The following MCCC2 variants were observed in gnomAD, a reference collection of about 807,000 sequenced individuals.
MCCC2 encodes the protein methylcrotonoyl-CoA carboxylase beta chain, mitochondrial.
MCCC2 carries 52 observed loss-of-function variants against 77.2 expected under a neutral mutation model. The observed-to-expected ratio is 0.67, with a 90% confidence interval of 0.54 to 0.85. MCCC2 has a LOEUF of 0.85. Ranked by LOEUF, MCCC2 falls within the 40% of genes least tolerant of loss-of-function variation. The probability of loss-of-function intolerance (pLI) is 0.00; values close to 1 mark genes in which losing one functional copy is unlikely to be tolerated. For missense variants in MCCC2, 682 were observed against 703.2 expected (o/e 0.97, Z 0.34); for synonymous variants, 253 against 248.4 (o/e 1.02, Z -0.18).
At chr5:71,628,401 C>G (rs1421987736) in intron 7 of MCCC2, among the ~76,000 whole-genome samples, 1 of 152,162 alleles carries the variant, frequency 6.6e-6, no homozygotes, top group Non-Finnish European at 1.5e-5. Context: ...CCAGTTTATG[C>G]ATTTTTTCCT....
At chr5:71,628,502 C>T (rs1273850840) in intron 7 of MCCC2, among the ~76,000 whole-genome samples, 1 of 152,070 alleles carries the variant, frequency 6.6e-6, no homozygotes, top group African/African-American at 2.4e-5. Context: ...TTCTGAGAGT[C>T]TTATAATTTT....
intron 6 of MCCC2, among the ~76,000 whole-genome samples, chr5:71,621,219 A>G (rs896674491): frequency 8.5e-5 from 13 of 152,130 alleles, no homozygotes; most frequent in African/African-American, 3.1e-4. Context: ...AGGAAGAAGC[A>G]GATACAGCTG....
intron 16 of MCCC2, among the ~76,000 whole-genome samples, chr5:71,655,604 T>A (rs532682000): frequency 1.3e-5 from 2 of 152,286 alleles, no homozygotes; most frequent in East Asian, 3.9e-4. Context: ...GTGTTGATAC[T>A]TTAGGGTCCC....
intron 11 of MCCC2, among the ~76,000 whole-genome samples, chr5:71,642,216 GAGA>G (rs1747139827): frequency 6.7e-6 from 1 of 149,032 alleles, no homozygotes; most frequent in Non-Finnish European, 1.5e-5. Flanking sequence ...GAGTGAGAAG[GAGA>G]AGAAGGGAAT....
chr5:71,604,254 G>C, intron 5 of MCCC2, 102 bp from the exon 6 acceptor site: 1 of 1,020,284 alleles, frequency 9.8e-7, no homozygotes, highest in Non-Finnish European at 1.5e-6. Context: ...CAAGTTTTTT[G>C]TGAATGTGAT....
chr5:71,601,916 C>T (rs765432923), intron 4 of MCCC2, among the ~76,000 whole-genome samples: 10 of 152,100 alleles, frequency 6.6e-5, no homozygotes, highest in Non-Finnish European at 1.3e-4. Flanking sequence ...ACTCAGGATA[C>T]CTTTCATGTG....
intron 6 of MCCC2, among the ~76,000 whole-genome samples, chr5:71,619,812 A>G (rs1746298572): frequency 6.6e-6 from 1 of 152,108 alleles, no homozygotes. Flanking sequence ...TAACATGGTG[A>G]AATCCCGTCT....
intron 5 of MCCC2, 155 bp downstream of exon 5, chr5:71,602,788 C>CT: frequency 8.8e-7 from 1 of 1,134,730 alleles, no homozygotes; most frequent in Non-Finnish European, 1.3e-6. Context: ...GCTGAAAACT[C>CT]TGGGGGAAAG....
chr5:71,611,403 C>A (rs457539), intron 6 of MCCC2, among the ~76,000 whole-genome samples: 57,659 of 151,896 alleles, frequency 0.38, 11,374 homozygotes, highest in Admixed American at 0.54. Flanking sequence ...CCCTGTCTCA[C>A]AAAAGAAAAA....
chr5:71,653,901 G>C (rs1001878235), intron 16 of MCCC2, among the ~76,000 whole-genome samples: 1 of 151,270 alleles, frequency 6.6e-6, no homozygotes, highest in Non-Finnish European at 1.5e-5. Flanking sequence ...TCATTTGAAT[G>C]GTTCCTTGGT....
At chr5:71,625,750 A>G (rs73761680) in intron 6 of MCCC2, among the ~76,000 whole-genome samples, 2,315 of 152,322 alleles carry the variant, frequency 0.015, 55 homozygotes, top group African/African-American at 0.053. Flanking sequence ...TGTGTTGGCC[A>G]TTTAGATGGA....
At chr5:71,610,499 C>G (rs528549108) in intron 6 of MCCC2, among the ~76,000 whole-genome samples, 114 of 152,296 alleles carry the variant, frequency 7.5e-4, no homozygotes, top group African/African-American at 2.7e-3. Context: ...CCCAGTACCT[C>G]AGATGGAAAT....
intron 6 of MCCC2, among the ~76,000 whole-genome samples, chr5:71,614,005 T>C (rs994837232): frequency 6.7e-6 from 1 of 148,206 alleles, no homozygotes; most frequent in Non-Finnish European, 1.5e-5. Flanking sequence ...TATATATGGT[T>C]CATATTATGT....
In MCCC2 at chr5:71,599,736, T is replaced by C. The variant is rs776174568; in HGVS notation, c.359T>C (p.Ile120Thr). 6.2e-7 allele frequency: 1 copy of C among 1,614,024 alleles called. No individual in the cohort carries two copies. ...DNEEVPGGGI[I>T]TGIGRVSGVE... ...GAGGAGGTGCCAGGAGGTGGCATTA[T>C]TACAGGCATTGGAAGAGTATCAGGG... The change falls in exon 4 of 17, where the codon ATT (isoleucine) becomes ACT (threonine). Residue 120 changes from isoleucine to threonine, a missense_variant. Physicochemically the swap from Ile to Thr is moderately conservative, Grantham distance 89 (BLOSUM62 -1). Coordinates refer to ENST00000340941, the MANE Select transcript of MCCC2 (RefSeq NM_022132.5).
intron 6 of MCCC2, among the ~76,000 whole-genome samples, chr5:71,623,540 CAGCAAG>C (rs1228181170): frequency 9.9e-5 from 15 of 152,278 alleles, no homozygotes; most frequent in African/African-American, 3.1e-4. Flanking sequence ...GAAAGAGGGC[CAGCAAG>C]AGCAAGAGGG....
intron 6 of MCCC2, among the ~76,000 whole-genome samples, chr5:71,624,446 C>T (rs961110654): frequency 4.6e-5 from 7 of 151,656 alleles, no homozygotes; most frequent in African/African-American, 1.2e-4. Context: ...GGTGTGATCT[C>T]GGCTTACCGC....
chr5:71,652,183 G>C (rs896391171), intron 15 of MCCC2, among the ~76,000 whole-genome samples: 1 of 152,020 alleles, frequency 6.6e-6, no homozygotes, highest in African/African-American at 2.4e-5. Flanking sequence ...TCTTAATTAG[G>C]GGAAAATATC....
chr5:71,594,579 C>T (rs1284730648), intron 2 of MCCC2, among the ~76,000 whole-genome samples: 2 of 149,698 alleles, frequency 1.3e-5, no homozygotes, highest in East Asian at 1.9e-4. Context: ...TTGAGGAGTC[C>T]TGTGGCATCA....
chr5:71,631,629 T>C (rs957774059), intron 7 of MCCC2, among the ~76,000 whole-genome samples: 3 of 149,940 alleles, frequency 2.0e-5, no homozygotes, highest in Admixed American at 6.7e-5. Flanking sequence ...CAAGCTCCGC[T>C]TCCCGGGTTC....
Sources: allele counts gnomAD v4.1 joint callset (sites outside exome capture counted in the v4.1 genomes callset), GRCh38; gene constraint gnomAD v4.1.1; transcripts MANE v1.5; gene names NCBI Gene and HGNC (gene_info 2026-07-23, HGNC 2026-07-21).